Variants in OTOF observed in about 807,000 individuals in gnomAD.
OTOF encodes the protein fer-1-like family member 2.
In OTOF, 218 loss-of-function variants were observed where a neutral mutation model predicts 236.8. That is an observed-to-expected ratio of 0.92 (90% CI 0.82 to 1.03). OTOF has a LOEUF of 1.03. Ranked by LOEUF, OTOF falls within the 50% of genes least tolerant of loss-of-function variation. The pLI is 0.00. For synonymous variants in OTOF, 1,041 were observed against 1,072.5 expected (o/e 0.97, Z 0.57); for missense variants, 2,590 against 2,694.4 (o/e 0.96, Z 0.86).
chr2:26,510,757 G>A lies in OTOF; in HGVS notation c.509+5661C>T, dbSNP rs780267713. 1.6e-5 allele frequency: 21 copies of A among 1,288,464 alleles called. No individual in the cohort carries two copies. The African/African-American group carries it at 2.7e-4, about 17-fold the overall frequency. The allele number at this position is 1,288,464 out of a possible 1,614,324, so 79.8% of individuals were successfully genotyped here. On this transcript the variant is annotated intron_variant, in intron 5 of 46. Coordinates refer to ENST00000272371, the MANE Select transcript of OTOF (RefSeq NM_194248.3). Reference sequence around the variant, plus strand: ...GTCTTCTCTCTGCCTTTGCTGAGTAGGGGGAAGAAATGAGGAGACAAGGGG... The same window carrying A: ...GTCTTCTCTCTGCCTTTGCTGAGTAAGGGGAAGAAATGAGGAGACAAGGGG...
chr2:26,483,657 A>C lies in OTOF; in HGVS notation c.1206-9T>G, dbSNP rs1459711622. 1 of 1,611,144 alleles carries C rather than the reference A, an allele frequency of 6.2e-7. No homozygotes were observed. The highest frequency in any genetic ancestry group is 8.5e-7 in the Non-Finnish European group (1 of 1,179,626). ...CGGGGAGCAGCAAGTTCCTGCCAGC[A>C]CATACAGCCAGGGCCATGGTCACCA... On this transcript the variant is annotated splice_polypyrimidine_tract_variant and intron_variant, in intron 12 of 46. Coordinates refer to ENST00000272371, the MANE Select transcript of OTOF (RefSeq NM_194248.3).
chr2:26,480,180 G>T, intron 16 of OTOF, 23 bp downstream of exon 16: 2 of 1,439,404 alleles, frequency 1.4e-6, no homozygotes, highest in Non-Finnish European at 9.8e-7. Context: ...TAGGCCCGAA[G>T]CCCCCGTGGG....
In OTOF at chr2:26,475,942, A is replaced by C. The variant is rs769307615; in HGVS notation, c.2963T>G (p.Phe988Cys). 2.5e-6 allele frequency: 4 copies of C among 1,611,066 alleles called. No homozygotes were observed. The highest frequency in any genetic ancestry group is 3.4e-6 in the Non-Finnish European group (4 of 1,179,266). The change falls in exon 24 of 47, where the codon TTC becomes TGC. Residue 988 changes from phenylalanine (F) to cysteine (C), a missense_variant. This residue lies in a region of OTOF where 1,379 missense variants were observed against 1,341.6 expected (regional missense o/e 1.03). Transcript: ENST00000272371. ...SGLSDPFARVFFINQSQCTEV... is the reference protein window; with the variant it reads ...SGLSDPFARVCFINQSQCTEV... ...TGTGCACTGACTCTGATTGATGAAGAAGACGCGGGCAAAGGGGTCTGAGAG... is the reference window on the plus strand; with the variant it reads ...TGTGCACTGACTCTGATTGATGAAGCAGACGCGGGCAAAGGGGTCTGAGAG...
At chr2:26,467,054 A>G (rs756340325) in intron 35 of OTOF, 45 bp downstream of exon 35, 2 of 1,608,094 alleles carry the variant, frequency 1.2e-6, no homozygotes, top group African/African-American at 1.3e-5. Flanking sequence ...TGGGGGGGGC[A>G]AGGGCTGGCG....
At chr2:26,479,118 G>A in intron 18 of OTOF, 146 bp downstream of exon 18, 2 of 1,032,418 alleles carry the variant, frequency 1.9e-6, no homozygotes, top group Non-Finnish European at 1.4e-6. Context: ...CCTGGGACCT[G>A]GGGCTGAGAA....
chr2:26,530,723 A>ATCTCTCCCTTTGTCTCTGTCTCCC (rs1276431237), intron 2 of OTOF, among the ~76,000 whole-genome samples: 8 of 150,560 alleles, frequency 5.3e-5, no homozygotes, highest in Non-Finnish European at 1.2e-4. Flanking sequence ...CTCTGTCTCT[A>ATCTCTCCCTTTGTCTCTGTCTCCC]TCTCTCCCTT....
chr2:26,472,641 G>A lies in OTOF; in HGVS notation c.3742C>T (p.Leu1248Phe). The A allele has an allele frequency of 3.7e-6, 6 of 1,613,176 alleles. No individual in the cohort carries two copies. Among genetic ancestry groups the A allele is most frequent in the Non-Finnish European group, 5.1e-6 (6 of 1,179,938 alleles). Reference protein sequence around the residue: ...APSWNTTVRLLRRCRVLCNGG... With the variant: ...APSWNTTVRLFRRCRVLCNGG... ...TTGCACAGCACACGGCAGCGCCGGAGAAGCCTGACTGGACAGATGGATAGA... is the reference window on the plus strand; with the variant it reads ...TTGCACAGCACACGGCAGCGCCGGAAAAGCCTGACTGGACAGATGGATAGA... Residue 1248 changes from leucine (L) to phenylalanine (F), a missense_variant, in exon 30 of 47, where the codon CTC becomes TTC. Transcript: ENST00000272371.
chr2:26,518,939 T>A lies in OTOF; in HGVS notation c.327+71A>T. 4.7e-6 allele frequency: 5 copies of A among 1,071,218 alleles called. 2 individuals carry two copies. In the South Asian group the frequency reaches 6.6e-5, roughly 14 times the overall value. 66.4% of individuals were successfully genotyped at this position (1,071,218 alleles called of 1,614,324 possible). ...GGCATTCCCCAGACCACCCCATGTGTGAGGCAGGGAGAACAGACCCCCAGA... is the reference window on the plus strand; with the variant it reads ...GGCATTCCCCAGACCACCCCATGTGAGAGGCAGGGAGAACAGACCCCCAGA... On this transcript the variant is annotated intron_variant, in intron 4 of 46. Transcript: ENST00000272371.
chr2:26,463,866 G>A (rs370886092), intron 40 of OTOF, 98 bp downstream of exon 40: 48 of 1,508,768 alleles, frequency 3.2e-5, no homozygotes, highest in East Asian at 1.1e-4. Context: ...GGAATGCAGC[G>A]GACAGCGTGA....
chr2:26,491,114 G>A (rs901200947), intron 9 of OTOF, among the ~76,000 whole-genome samples: 1 of 152,184 alleles, frequency 6.6e-6, no homozygotes, highest in Non-Finnish European at 1.5e-5. Context: ...CCGGGGAGAT[G>A]GAGCTGGAGA....
chr2:26,496,251 T>TTTTA (rs1553356695), intron 8 of OTOF, among the ~76,000 whole-genome samples: 1 of 151,278 alleles, frequency 6.6e-6, no homozygotes, highest in African/African-American at 2.4e-5. Context: ...TTTTTTTTTT[T>TTTTA]CACACTGAGT....
chr2:26,494,908 T>C, intron 9 of OTOF, 34 bp downstream of exon 9: 1 of 1,613,818 alleles, frequency 6.2e-7, no homozygotes, highest in Non-Finnish European at 8.5e-7. Flanking sequence ...CCTGCCATAT[T>C]TACAGAGGCT....
intron 1 of OTOF, among the ~76,000 whole-genome samples, chr2:26,549,910 G>A (rs182338376): frequency 1.4e-4 from 22 of 152,318 alleles, no homozygotes; most frequent in African/African-American, 5.1e-4. Context: ...GTCATCAACT[G>A]CTGGGTCCTA....
chr2:26,499,209 T>C (rs925703111), intron 8 of OTOF, among the ~76,000 whole-genome samples: 11 of 152,242 alleles, frequency 7.2e-5, no homozygotes, highest in Admixed American at 3.3e-4. Context: ...GTGACTGTGG[T>C]TTCTTGCCTT....
chr2:26,512,463 T>A (rs1044406191), intron 5 of OTOF, among the ~76,000 whole-genome samples: 1 of 152,224 alleles, frequency 6.6e-6, no homozygotes, highest in African/African-American at 2.4e-5. Flanking sequence ...CGAAGTCACT[T>A]TCTCTCCAGA....
chr2:26,465,099 T>A, intron 38 of OTOF, 70 bp from the exon 39 acceptor site: 1 of 1,349,168 alleles, frequency 7.4e-7, no homozygotes, highest in Non-Finnish European at 9.9e-7. Flanking sequence ...CAGCTGGTCG[T>A]GGCCAGTTCT....
chr2:26,538,235 C>T (rs1667123390), intron 1 of OTOF, among the ~76,000 whole-genome samples: 1 of 152,246 alleles, frequency 6.6e-6, no homozygotes, highest in South Asian at 2.1e-4. Context: ...CAGCCTCCTT[C>T]TGCAGCCACC....
intron 1 of OTOF, among the ~76,000 whole-genome samples, chr2:26,546,776 A>G (rs1572497100): frequency 7.0e-6 from 1 of 143,634 alleles, no homozygotes; most frequent in East Asian, 2.0e-4. Flanking sequence ...TTCTCTCAGC[A>G]TTTTGTGTTG....
intron 13 of OTOF, 87 bp from the exon 14 acceptor site, chr2:26,482,679 G>C (rs546932630): frequency 1.8e-6 from 2 of 1,120,350 alleles, no homozygotes; most frequent in East Asian, 2.4e-5. Context: ...GCATGTGTGC[G>C]TGAGTGGGCA....
Sources: gnomAD v4.1 joint callset for allele counts (sites outside exome capture counted in the v4.1 genomes callset) on GRCh38, gnomAD v4.1.1 for gene constraint, gnomAD v4.1.1 regional missense constraint, MANE v1.5 for transcripts, NCBI Gene and HGNC (gene_info 2026-07-23, HGNC 2026-07-21) for gene names.